The following PTPN9 variants were observed in gnomAD, a reference collection of about 807,000 sequenced individuals.
PTPN9 encodes tyrosine-protein phosphatase non-receptor type 9.
In PTPN9, 26 loss-of-function variants were observed where a neutral mutation model predicts 69.8. The ratio of observed to expected loss-of-function variants is 0.37; its 90% CI spans 0.27 to 0.52. The LOEUF (loss-of-function observed/expected upper bound fraction) is 0.52. Among genes scored for constraint, PTPN9 ranks in the 20% least tolerant of loss-of-function variants. The pLI is 0.91. For synonymous variants in PTPN9, 274 were observed against 272.5 expected, an observed-to-expected ratio of 1.01 and a Z score of -0.05; for missense variants, 549 against 740.3, an observed-to-expected ratio of 0.74 and a Z score of 3.00.
rs1170216555 is a variant in PTPN9 at position 75,505,865 on chromosome 15, G to C, written c.778C>G (p.Pro260Ala). 2.5e-6 allele frequency: 4 copies of C among 1,614,058 alleles called. No homozygotes were observed. Among genetic ancestry groups the C allele is most frequent in the Non-Finnish European group, 3.4e-6 (4 of 1,180,046 alleles). ...FLPQVNGHPD[P>A]FDEIILFSLP... ...GAGAACAGGATGATCTCATCGAAGG[G>C]ATCTGGGTGGCCGTTCACCTGGGGT... The change falls in exon 7 of 13, where the codon CCC becomes GCC. Residue 260 changes from proline to alanine, a missense_variant. Coordinates refer to ENST00000618819, the MANE Select transcript of PTPN9 (RefSeq NM_002833.4).
In PTPN9 at chr15:75,490,828, T is replaced by C. The variant is rs557058681; in HGVS notation, c.969-527A>G. 3.0e-4 allele frequency among the ~76,000 whole-genome samples: 45 copies of C among 152,190 alleles called. No individual in the cohort carries two copies. The South Asian group carries it at 9.3e-3, about 32-fold the overall frequency. ...TTTTAGTAGAGACGGGGTTTCACCA[T>C]GTTAGCCAGGATGGTCTCGATCTCC... On this transcript the variant is annotated intron_variant, in intron 7 of 12. Transcript: ENST00000618819.
At chr15:75,474,483 C>A (rs2074585171) in intron 9 of PTPN9, among the ~76,000 whole-genome samples, 2 of 151,870 alleles carry the variant, frequency 1.3e-5, no homozygotes, top group South Asian at 4.2e-4. Context: ...CGCACCACTG[C>A]ACTCCAGCCT....
Position 75,480,330 on chromosome 15 carries a change from C to A in PTPN9, c.1063-416G>T, listed in dbSNP as rs563904176. Among the ~76,000 whole-genome samples the A allele has an allele frequency of 2.0e-5, 3 of 152,232 alleles. No individual in the cohort carries two copies. The South Asian group carries it at 6.2e-4, about 32-fold the overall frequency. The stretch of plus-strand genomic sequence containing the variant: ...ATTAAAATTAAAAACTTATGCCAGG[C>A]GCGGTGGCTCACGCCTGTAATCCCA... On this transcript the variant is annotated intron_variant, in intron 8 of 12. Transcript: ENST00000618819.
At position 75,467,888 on chromosome 15, in the gene PTPN9, T is replaced by C. The variant is rs1344324822; in HGVS notation, c.*881A>G. On this transcript the variant is annotated 3_prime_UTR_variant, in exon 13 of 13. Coordinates refer to ENST00000618819, the MANE Select transcript of PTPN9 (RefSeq NM_002833.4). The stretch of plus-strand genomic sequence containing the variant: ...ATCATCGGATAAGGGAAATCCATGC[T>C]GAGCTAACCCAGTGTCACCACAAAC... The C allele has an allele frequency of 6.5e-6, 1 of 152,678 alleles. No homozygotes were observed. Among genetic ancestry groups the C allele is most frequent in the Non-Finnish European group, 1.5e-5 (1 of 68,064 alleles). 9.5% of individuals were successfully genotyped at this position (152,678 alleles called of 1,614,324 possible).
chr15:75,475,847 T>G (rs947867053), intron 9 of PTPN9, among the ~76,000 whole-genome samples: 2 of 152,034 alleles, frequency 1.3e-5, no homozygotes, highest in African/African-American at 4.8e-5. Context: ...AATTAAATTA[T>G]GACGTATCAG....
intron 8 of PTPN9, among the ~76,000 whole-genome samples, chr15:75,483,641 CTG>C (rs2074657136): frequency 1.3e-5 from 2 of 152,126 alleles, no homozygotes; most frequent in African/African-American, 4.8e-5. Context: ...TGGCACAACT[CTG>C]TGAATATACT....
intron 8 of PTPN9, chr15:75,487,859 C>T (rs2141298050): frequency 6.6e-6 from 1 of 152,278 alleles, no homozygotes; most frequent in African/African-American, 2.4e-5. Flanking sequence ...AAATACAAGG[C>T]AGTAAGTTTT....
At chr15:75,555,579 A>C (rs1866734502) in intron 1 of PTPN9, among the ~76,000 whole-genome samples, 1 of 151,840 alleles carries the variant, frequency 6.6e-6, no homozygotes, top group African/African-American at 2.4e-5. Context: ...ATCTCAGTTC[A>C]CTGCAACCTC....
At chr15:75,478,519 C>A (rs931288239) in intron 9 of PTPN9, among the ~76,000 whole-genome samples, 33 of 152,214 alleles carry the variant, frequency 2.2e-4, no homozygotes, top group Non-Finnish European at 3.1e-4. Context: ...GATACTCCCC[C>A]CTCAGCCTCC....
Position 75,524,263 on chromosome 15 carries a change from T to A in PTPN9, c.243A>T (p.Lys81Asn), listed in dbSNP as rs1010966122. ...TRRKEGIVKLKPHEEPLRSEI... is the reference protein window; with the variant it reads ...TRRKEGIVKLNPHEEPLRSEI... The stretch of plus-strand genomic sequence containing the variant: ...CAGAACGAAGAGGTTCCTCATGAGG[T>A]TTCAGCTTTACAATGCCTTCCTTCC... The change falls in exon 3 of 13, where the codon AAA (lysine) becomes AAT (asparagine). Residue 81 changes from lysine to asparagine, a missense_variant. Around this residue, in one of 3 missense-constraint regions of PTPN9, gnomAD observed 457 missense variants for 661.9 expected, o/e 0.69. Transcript: ENST00000618819. The A allele has an allele frequency of 2.5e-6, 4 of 1,612,606 alleles. No homozygotes were observed. Among genetic ancestry groups the A allele is most frequent in the Non-Finnish European group, 3.4e-6 (4 of 1,179,032 alleles).
chr15:75,570,887 T>C (rs1322778323), intron 1 of PTPN9, among the ~76,000 whole-genome samples: 1 of 152,198 alleles, frequency 6.6e-6, no homozygotes, highest in Non-Finnish European at 1.5e-5. Flanking sequence ...TACTAGGTGA[T>C]GGTCCCCAGG....
At chr15:75,503,996 T>C (rs2074795125) in intron 7 of PTPN9, among the ~76,000 whole-genome samples, 1 of 109,890 alleles carries the variant, frequency 9.1e-6, no homozygotes, top group African/African-American at 3.6e-5. Context: ...GGAGCCCCTC[T>C]GCCGGGCCAG....
At chr15:75,497,804 A>C (rs1377484975) in intron 7 of PTPN9, among the ~76,000 whole-genome samples, 1 of 142,656 alleles carries the variant, frequency 7.0e-6, no homozygotes, top group Non-Finnish European at 1.5e-5. Context: ...CTCTGTCTCA[A>C]AAAAAAAAAA....
At chr15:75,571,048 T>A (rs2075146097) in intron 1 of PTPN9, among the ~76,000 whole-genome samples, 1 of 152,002 alleles carries the variant, frequency 6.6e-6, no homozygotes, top group Non-Finnish European at 1.5e-5. Context: ...TCACCTGAGG[T>A]CAGGAGTTTG....
At chr15:75,503,738 A>C (rs1595954965) in intron 7 of PTPN9, among the ~76,000 whole-genome samples, 2 of 90,934 alleles carry the variant, frequency 2.2e-5, no homozygotes, top group Admixed American at 1.2e-4. Flanking sequence ...TCAGCCCCCA[A>C]CCCGGCCAGC....
intron 6 of PTPN9, among the ~76,000 whole-genome samples, chr15:75,506,965 G>A (rs11638974): frequency 0.32 from 49,316 of 151,804 alleles, 8,832 homozygotes; most frequent in Middle Eastern, 0.48. Flanking sequence ...GTGTATCTCT[G>A]TGTTCCCTAT....
At chr15:75,472,533 G>A (rs974939176) in intron 10 of PTPN9, among the ~76,000 whole-genome samples, 3 of 151,862 alleles carry the variant, frequency 2.0e-5, no homozygotes, top group Admixed American at 1.3e-4. Flanking sequence ...AGTGGCCCAC[G>A]CTTGTAATCC....
intron 1 of PTPN9, among the ~76,000 whole-genome samples, chr15:75,573,328 T>C (rs921359191): frequency 1.3e-5 from 2 of 152,346 alleles, no homozygotes; most frequent in Admixed American, 6.5e-5. Flanking sequence ...GAAAAGATAC[T>C]GTTACGATTG....
intron 7 of PTPN9, among the ~76,000 whole-genome samples, chr15:75,504,534 A>T (rs1219797796): frequency 1.1e-5 from 1 of 90,686 alleles, no homozygotes; most frequent in Non-Finnish European, 2.2e-5. Flanking sequence ...CCCCCCGCCC[A>T]GCCAGCCGCC....
Sources: gnomAD v4.1 joint callset for allele counts (sites outside exome capture counted in the v4.1 genomes callset) on GRCh38, gnomAD v4.1.1 for gene constraint, gnomAD v4.1.1 regional missense constraint, MANE v1.5 for transcripts, NCBI Gene and HGNC (gene_info 2026-07-23, HGNC 2026-07-21) for gene names.